The following XIRP2 variants were observed in gnomAD, a reference collection of about 807,000 sequenced individuals.
XIRP2 encodes the protein xin actin-binding repeat-containing protein 2.
XIRP2 carries 236 observed loss-of-function variants against 277.0 expected under a neutral mutation model. That is an observed-to-expected ratio of 0.85 (90% confidence interval 0.77 to 0.95). The LOEUF (loss-of-function observed/expected upper bound fraction) is 0.95, where lower values mean the gene tolerates loss of function less well. Ranked by LOEUF, XIRP2 falls within the 40% of genes least tolerant of loss-of-function variation. The probability of loss-of-function intolerance (pLI) is 0.00; values close to 1 mark genes in which losing one functional copy is unlikely to be tolerated. For missense variants in XIRP2, 4,640 were observed against 4,157.5 expected (o/e 1.12, Z -3.19); for synonymous variants, 1,490 against 1,416.5 (o/e 1.05, Z -1.17).
intron 2 of XIRP2, among the ~76,000 whole-genome samples, chr2:166,938,563 T>C (rs1219252186): frequency 6.6e-6 from 1 of 152,206 alleles, no homozygotes; most frequent in Non-Finnish European, 1.5e-5. Context: ...GAGAAGAATG[T>C]ATATTCTGTT....
At chr2:166,906,977 T>C (rs1259885869) in intron 2 of XIRP2, among the ~76,000 whole-genome samples, 1 of 152,122 alleles carries the variant, frequency 6.6e-6, no homozygotes, top group African/African-American at 2.4e-5. Context: ...GAGATATCAA[T>C]ACCTAAAACA....
At chr2:167,094,873 T>A (rs1434059491) in intron 2 of XIRP2, among the ~76,000 whole-genome samples, 1 of 152,216 alleles carries the variant, frequency 6.6e-6, no homozygotes, top group Non-Finnish European at 1.5e-5. Context: ...TGTAGCTTGA[T>A]GGGGATAGCA....
intron 3 of XIRP2, among the ~76,000 whole-genome samples, chr2:167,182,674 C>A (rs919352699): frequency 6.6e-6 from 1 of 152,116 alleles, no homozygotes; most frequent in Non-Finnish European, 1.5e-5. Flanking sequence ...CTTCACTCAT[C>A]CTCAGTTTCT....
intron 1 of XIRP2, among the ~76,000 whole-genome samples, chr2:166,892,106 C>T (rs149055397): frequency 9.9e-5 from 15 of 152,230 alleles, no homozygotes; most frequent in African/African-American, 3.6e-4. Flanking sequence ...CCTTCAGACA[C>T]ATGTTGTAGT....
intron 2 of XIRP2, among the ~76,000 whole-genome samples, chr2:167,058,757 A>G (rs1353008368): frequency 1.3e-5 from 2 of 152,232 alleles, no homozygotes; most frequent in Non-Finnish European, 2.9e-5. Context: ...TACCCCATTG[A>G]CGAAGGCAAG....
chr2:167,190,854 A>G (rs1488141810), intron 3 of XIRP2, among the ~76,000 whole-genome samples: 4 of 152,206 alleles, frequency 2.6e-5, no homozygotes, highest in Non-Finnish European at 5.9e-5. Context: ...TGAGCACCAC[A>G]GAAGGTAATC....
chr2:167,201,061 G>C (rs941646966), intron 3 of XIRP2, among the ~76,000 whole-genome samples: 2 of 151,576 alleles, frequency 1.3e-5, no homozygotes, highest in Non-Finnish European at 2.9e-5. Context: ...GGGATGCAGA[G>C]GTTGCAGTGA....
Position 167,245,542 on chromosome 2 carries a change from G to A in XIRP2, c.4150G>A (p.Val1384Ile), listed in dbSNP as rs1439235051. The change falls in exon 9 of 11, where the codon GTT becomes ATT. Residue 1384 changes from valine (V) to isoleucine (I), a missense_variant. Physicochemically the swap from Val to Ile is conservative, Grantham distance 29 (BLOSUM62 3). Coordinates refer to ENST00000409195, the MANE Select transcript of XIRP2 (RefSeq NM_152381.6). ...VTQEDIQKGD[V>I]SSVRYRFETQ... ...ACAAGAAGACATTCAGAAGGGAGAT[G>A]TTAGTTCTGTCAGATACAGATTTGA... The A allele has an allele frequency of 3.1e-6, 5 of 1,613,490 alleles. No individual in the cohort carries two copies. The highest frequency in any genetic ancestry group is 4.5e-5 in the East Asian group (2 of 44,848).
chr2:167,047,000 CTACTT>C (rs1456593546), intron 2 of XIRP2, among the ~76,000 whole-genome samples: 1 of 151,852 alleles, frequency 6.6e-6, no homozygotes, highest in Admixed American at 6.6e-5. Flanking sequence ...GGCAAATACT[CTACTT>C]AATGATAAAT....
chr2:166,922,489 A>G (rs1397700), intron 2 of XIRP2, among the ~76,000 whole-genome samples: 47,438 of 151,974 alleles, frequency 0.31, 7,920 homozygotes, highest in East Asian at 0.59. Flanking sequence ...TTATGTACGA[A>G]CTACTTATGA....
At chr2:167,182,679 GTTTC>G (rs1470516716) in intron 3 of XIRP2, among the ~76,000 whole-genome samples, 1 of 152,032 alleles carries the variant, frequency 6.6e-6, no homozygotes, top group Non-Finnish European at 1.5e-5. Flanking sequence ...CTCATCCTCA[GTTTC>G]TTTCTATAAA....
intron 2 of XIRP2, among the ~76,000 whole-genome samples, chr2:166,938,420 A>C (rs1685583399): frequency 6.6e-6 from 1 of 152,186 alleles, no homozygotes. Flanking sequence ...TGAGTTTCTT[A>C]ATCCTGAGCT....
intron 2 of XIRP2, among the ~76,000 whole-genome samples, chr2:167,085,756 G>A (rs1689921548): frequency 6.6e-6 from 1 of 151,946 alleles, no homozygotes; most frequent in South Asian, 2.1e-4. Flanking sequence ...TCAGAGACTA[G>A]GATTGCAACC....
At chr2:167,252,325 C>T (rs561527815) in intron 9 of XIRP2, among the ~76,000 whole-genome samples, 1 of 151,936 alleles carries the variant, frequency 6.6e-6, no homozygotes, top group South Asian at 2.1e-4. Context: ...TTTTAACTGC[C>T]AGGTTTAAAT....
At chr2:167,117,750 C>A (rs142238034) in intron 2 of XIRP2, among the ~76,000 whole-genome samples, 38 of 152,318 alleles carry the variant, frequency 2.5e-4, no homozygotes, top group African/African-American at 8.9e-4. Flanking sequence ...CACCAGCAAA[C>A]CTCTCCAAGG....
chr2:167,257,627 T>C (rs1431370500), intron 10 of XIRP2, among the ~76,000 whole-genome samples: 1 of 151,986 alleles, frequency 6.6e-6, no homozygotes, highest in Admixed American at 6.6e-5. Flanking sequence ...CTATAATACC[T>C]ATTATGCCAA....
intron 3 of XIRP2, among the ~76,000 whole-genome samples, chr2:167,147,440 T>C (rs1691893507): frequency 6.6e-6 from 1 of 152,120 alleles, no homozygotes; most frequent in South Asian, 2.1e-4. Flanking sequence ...ACAATGTGAT[T>C]TATGATGGGG....
At chr2:167,233,938 C>A (rs1305991395) in intron 5 of XIRP2, among the ~76,000 whole-genome samples, 2 of 151,574 alleles carry the variant, frequency 1.3e-5, no homozygotes, top group African/African-American at 4.8e-5. Context: ...ATGTAAGCTG[C>A]ATTTTTAGTT....
At chr2:166,957,708 G>C (rs1299138538) in intron 2 of XIRP2, among the ~76,000 whole-genome samples, 4 of 151,768 alleles carry the variant, frequency 2.6e-5, no homozygotes, top group African/African-American at 9.7e-5. Flanking sequence ...GAAGCATTAA[G>C]CATATACACC....
Sources: allele counts gnomAD v4.1 joint callset (sites outside exome capture counted in the v4.1 genomes callset), GRCh38; gene constraint gnomAD v4.1.1; transcripts MANE v1.5; gene names NCBI Gene and HGNC (gene_info 2026-07-23, HGNC 2026-07-21).